The following ANKRD17 variants were observed in gnomAD, a reference collection of about 807,000 sequenced individuals.
The protein encoded by ANKRD17 is ankyrin repeat domain-containing protein 17.
In ANKRD17, 19 loss-of-function variants were observed where a neutral mutation model predicts 229.7. The observed-to-expected ratio is 0.08, with a 90% CI of 0.06 to 0.12. ANKRD17 has a LOEUF of 0.12. ANKRD17 is among the 10% of genes least tolerant of loss of function. The probability of loss-of-function intolerance (pLI) is 1.00; values close to 1 mark genes in which losing one functional copy is unlikely to be tolerated. For synonymous variants in ANKRD17, 1,112 were observed against 1,146.1 expected (o/e 0.97, Z 0.60); for missense variants, 2,176 against 3,176.8 (o/e 0.68, Z 7.57).
intron 1 of ANKRD17, among the ~76,000 whole-genome samples, chr4:73,213,736 T>G (rs980790660): frequency 6.6e-6 from 1 of 152,200 alleles, no homozygotes; most frequent in Non-Finnish European, 1.5e-5. Context: ...AAGTAAATCT[T>G]AAATGACTCA....
chr4:73,156,070 C>T lies in ANKRD17; in HGVS notation c.801G>A (p.Gly267=), dbSNP rs530060845. Residue 267 remains glycine (G), a synonymous_variant, in exon 4 of 34, where the codon GGG becomes GGA. Coordinates refer to ENST00000358602, the MANE Select transcript of ANKRD17 (RefSeq NM_032217.5). ...GRSVNEHTEE[G]ESLLCLACSA... is the part of the protein sequence containing the mutation. ...AACAAGCTAAACAAAGGAGGCTCTC[C>T]CCTTCCTCTGTGTGTTCATTTACAC... 3.3e-5 allele frequency: 53 copies of T among 1,613,220 alleles called. No homozygotes were observed. The highest frequency in any genetic ancestry group is 1.7e-4 in the Middle Eastern group (1 of 6,054).
At chr4:73,161,045 G>A (rs144336516) in intron 3 of ANKRD17, 147 bp downstream of exon 3, 34 of 1,038,468 alleles carry the variant, frequency 3.3e-5, no homozygotes, top group Non-Finnish European at 4.6e-5. Context: ...ACCTTATAAA[G>A]TTTTTGTGAA....
rs751775319 is a variant in ANKRD17 at position 73,177,454 on chromosome 4, G to C, written c.473C>G (p.Thr158Ser). The C allele has an allele frequency of 6.8e-6, 11 of 1,613,772 alleles. No individual in the cohort carries two copies. The highest frequency in any genetic ancestry group is 1.7e-4 in the Middle Eastern group (1 of 6,060). ...ETASKLLLSG[T>S]ADGADLRTVD... is the part of the protein sequence containing the mutation. ...TGTCCTGAGGTCTGCACCATCAGCA[G>C]TACCTGATAAGAGCAACTTGGAAGC... The change falls in exon 2 of 34, where the codon ACT becomes AGT. Residue 158 changes from threonine to serine, a missense_variant. Thr to Ser is a moderately conservative substitution (Grantham distance 58). Around this residue, in one of 18 missense-constraint regions of ANKRD17, gnomAD observed 184 missense variants for 357.8 expected, o/e 0.51. Transcript: ENST00000358602.
At chr4:73,147,906 T>C (rs986111844) in intron 8 of ANKRD17, among the ~76,000 whole-genome samples, 1 of 152,134 alleles carries the variant, frequency 6.6e-6, no homozygotes. Flanking sequence ...ATTTAACTTA[T>C]ACAAGGTCAC....
intron 1 of ANKRD17, among the ~76,000 whole-genome samples, chr4:73,193,946 A>G (rs1321159060): frequency 6.6e-6 from 1 of 152,108 alleles, no homozygotes; most frequent in East Asian, 1.9e-4. Flanking sequence ...ACAACAACAA[A>G]AAAATCATCT....
intron 1 of ANKRD17, 53 bp downstream of exon 1, chr4:73,258,223 C>A: frequency 6.2e-7 from 1 of 1,611,438 alleles, no homozygotes; most frequent in Non-Finnish European, 8.5e-7. Context: ...CACCTTCGGC[C>A]CCTATCCCTT....
At chr4:73,213,603 G>A (rs1740615517) in intron 1 of ANKRD17, among the ~76,000 whole-genome samples, 1 of 152,166 alleles carries the variant, frequency 6.6e-6, no homozygotes, top group African/African-American at 2.4e-5. Flanking sequence ...ATGTACAGAT[G>A]TTACTGACCT....
At chr4:73,205,105 G>A (rs1346859609) in intron 1 of ANKRD17, among the ~76,000 whole-genome samples, 1 of 152,004 alleles carries the variant, frequency 6.6e-6, no homozygotes, top group Non-Finnish European at 1.5e-5. Flanking sequence ...CTTGAAGCTA[G>A]GAGTTAAAGA....
chr4:73,154,865 C>A lies in ANKRD17; in HGVS notation c.1001-752G>T, dbSNP rs202176771. ...GACCATCCCGGCTAAAACGGTGAAACCCCGTCTCTACTAAAAATACAAAAA... is the reference window on the plus strand; with the variant it reads ...GACCATCCCGGCTAAAACGGTGAAAACCCGTCTCTACTAAAAATACAAAAA... On this transcript the variant is annotated intron_variant, in intron 5 of 33. Transcript: ENST00000358602. Among the ~76,000 whole-genome samples the A allele has an allele frequency of 1.3e-3, 198 of 151,962 alleles. 1 individual carries two copies. The East Asian group carries it at 0.03, about 23-fold the overall frequency.
chr4:73,206,422 A>AAGCGAGAGAGAG (rs1480843501), intron 1 of ANKRD17, among the ~76,000 whole-genome samples: 63 of 144,770 alleles, frequency 4.4e-4, no homozygotes, highest in African/African-American at 1.6e-3. Context: ...GAGAGAAAGA[A>AAGCGAGAGAGAG]AGTGAGAGAG....
chr4:73,121,994 A>C (rs1309354415), intron 18 of ANKRD17, among the ~76,000 whole-genome samples: 2 of 152,290 alleles, frequency 1.3e-5, no homozygotes, highest in East Asian at 3.9e-4. Context: ...CAATGTGTTC[A>C]TGAAAGGTCT....
At chr4:73,115,964 C>G in intron 22 of ANKRD17, 48 bp from the exon 23 acceptor site, 1 of 1,508,606 alleles carries the variant, frequency 6.6e-7, no homozygotes, top group East Asian at 2.3e-5. Flanking sequence ...TCTAACAGTT[C>G]AGTAAATCTA....
intron 1 of ANKRD17, among the ~76,000 whole-genome samples, chr4:73,245,666 A>C (rs1401131558): frequency 6.6e-6 from 1 of 152,112 alleles, no homozygotes; most frequent in Non-Finnish European, 1.5e-5. Flanking sequence ...ATCATATATA[A>C]ATCTACTTGC....
chr4:73,157,675 G>C (rs1731842883), intron 3 of ANKRD17, among the ~76,000 whole-genome samples: 1 of 152,022 alleles, frequency 6.6e-6, no homozygotes, highest in Admixed American at 6.6e-5. Flanking sequence ...CCAGATTTAA[G>C]ACCAACATCT....
intron 1 of ANKRD17, among the ~76,000 whole-genome samples, chr4:73,191,337 A>ATGTGTG (rs1349894740): frequency 5.2e-3 from 320 of 61,884 alleles, no homozygotes; most frequent in African/African-American, 0.021. Flanking sequence ...ACCAAAAAAT[A>ATGTGTG]TATATGTGTG....
At chr4:73,179,498 A>G (rs549884143) in intron 1 of ANKRD17, among the ~76,000 whole-genome samples, 25 of 69,526 alleles carry the variant, frequency 3.6e-4, no homozygotes, top group African/African-American at 1.4e-3. Context: ...GTATATATAT[A>G]TATATATATA....
Position 73,245,060 on chromosome 4 carries a change from C to T in ANKRD17, c.393+13216G>A, listed in dbSNP as rs549136170. On this transcript the variant is annotated intron_variant, in intron 1 of 33. Transcript: ENST00000358602. The stretch of plus-strand genomic sequence containing the variant: ...AAAGAAGCTTTCTCAGTGGCAAACT[C>T]CGACCTACAAGAGTCCAGTAATTTG... 4.6e-5 allele frequency among the ~76,000 whole-genome samples: 7 copies of T among 152,204 alleles called. No individual in the cohort carries two copies. The South Asian group carries it at 1.2e-3, about 27-fold the overall frequency.
At chr4:73,109,736 G>T (rs532642748) in intron 24 of ANKRD17, among the ~76,000 whole-genome samples, 3 of 152,104 alleles carry the variant, frequency 2.0e-5, no homozygotes, top group African/African-American at 7.2e-5. Context: ...AGTAAAATTA[G>T]TCATAAAGAT....
At position 73,098,204 on chromosome 4, in the gene ANKRD17, G is replaced by A. The variant is rs775693665; in HGVS notation, c.4890C>T (p.Asn1630=). ...AATGATTGTCACTCTTACGACTGCTGTTGCTGTTACTACTTTCATCGCTGC... is the reference window on the plus strand; with the variant it reads ...AATGATTGTCACTCTTACGACTGCTATTGCTGTTACTACTTTCATCGCTGC... The part of the protein sequence containing the change: ...SSCSDESSNS[N]SSRKSDNHSP... Residue 1630 remains asparagine (N), a synonymous_variant, in exon 26 of 34, where the codon AAC becomes AAT. Coordinates refer to ENST00000358602, the MANE Select transcript of ANKRD17 (RefSeq NM_032217.5). 11 of 1,614,212 alleles carry A rather than the reference G, an allele frequency of 6.8e-6. No homozygotes were observed. The highest frequency in any genetic ancestry group is 9.3e-6 in the Non-Finnish European group (11 of 1,180,032).
Sources: allele counts gnomAD v4.1 joint callset (sites outside exome capture counted in the v4.1 genomes callset), GRCh38; gene constraint gnomAD v4.1.1; regional missense constraint gnomAD v4.1.1; transcripts MANE v1.5; gene names NCBI Gene and HGNC (gene_info 2026-07-23, HGNC 2026-07-21).